The following VWA3A variants were observed in gnomAD, a reference collection of about 807,000 sequenced individuals.
VWA3A encodes von Willebrand factor A domain containing 3A, also known as von Willebrand factor A domain-containing protein 3A.
In VWA3A, 134 loss-of-function variants were observed where a neutral mutation model predicts 160.4. The observed-to-expected ratio is 0.84, with a 90% CI of 0.73 to 0.96. The LOEUF (loss-of-function observed/expected upper bound fraction) is 0.96, where lower values mean the gene tolerates loss of function less well. Among genes scored for constraint, VWA3A ranks in the 40% least tolerant of loss-of-function variants. The pLI, the probability that VWA3A is intolerant of heterozygous loss-of-function variation, is 0.00. For synonymous variants in VWA3A, 476 were observed against 543.4 expected, an observed-to-expected ratio of 0.88 and a Z score of 1.72; for missense variants, 1,310 against 1,447.9, an observed-to-expected ratio of 0.90 and a Z score of 1.55.
In VWA3A at chr16:22,119,024, G is replaced by A. The variant is rs908386642; in HGVS notation, c.1113G>A (p.Glu371=). Reference sequence around the variant, plus strand: ...GTGAGGCGCTCACCTGCACCATGGAGGAGGTAGGTGGTGCGAGTGTCAATT... The same window carrying A: ...GTGAGGCGCTCACCTGCACCATGGAAGAGGTAGGTGGTGCGAGTGTCAATT... The part of the protein sequence containing the change: ...SPCEALTCTM[E]EISTEITNGP... The change falls in exon 12 of 34, where the codon GAG becomes GAA. Residue 371 remains glutamate, a synonymous_variant. Transcript: ENST00000389398. 1.2e-6 allele frequency: 2 copies of A among 1,609,046 alleles called. No homozygotes were observed. Among genetic ancestry groups the A allele is most frequent in the Non-Finnish European group, 1.7e-6 (2 of 1,177,602 alleles).
chr16:22,126,532 T>G (rs944264594), intron 17 of VWA3A, among the ~76,000 whole-genome samples: 3 of 152,170 alleles, frequency 2.0e-5, no homozygotes, highest in Admixed American at 6.5e-5. Context: ...CATAACACAC[T>G]GCTTGATCAA....
At chr16:22,119,081 C>G in intron 12 of VWA3A, 54 bp downstream of exon 12, 1 of 1,539,440 alleles carries the variant, frequency 6.5e-7, no homozygotes, top group Non-Finnish European at 8.8e-7. Flanking sequence ...ACTCAGCTGG[C>G]CTCGTTCCCC....
At chr16:22,115,657 C>A (rs1436864562) in intron 9 of VWA3A, among the ~76,000 whole-genome samples, 185 bp downstream of exon 9, 2 of 148,746 alleles carry the variant, frequency 1.3e-5, no homozygotes, top group African/African-American at 2.5e-5. Flanking sequence ...CACAGTGAGA[C>A]CCTATCTCTT....
chr16:22,136,833 C>T, intron 21 of VWA3A, among the ~76,000 whole-genome samples: 1 of 151,530 alleles, frequency 6.6e-6, no homozygotes, highest in East Asian at 1.9e-4. Context: ...GAGATCGAGA[C>T]CATCCTGGCT....
At chr16:22,154,594 G>A (rs1375541291) in intron 31 of VWA3A, among the ~76,000 whole-genome samples, 5 of 151,788 alleles carry the variant, frequency 3.3e-5, no homozygotes, top group Non-Finnish European at 4.4e-5. Context: ...CACCCAAAGC[G>A]CTGGGATTGG....
chr16:22,154,727 G>A lies in VWA3A; in HGVS notation c.3406-840G>A, dbSNP rs955669811. Among the ~76,000 whole-genome samples, 9 of 150,970 alleles carry A rather than the reference G, an allele frequency of 6.0e-5. 1 individual carries two copies. Among genetic ancestry groups the A allele is most frequent in the Non-Finnish European group, 8.9e-5 (6 of 67,734 alleles). On this transcript the variant is annotated intron_variant, in intron 31 of 33. Coordinates refer to ENST00000389398, the MANE Select transcript of VWA3A (RefSeq NM_173615.5). ...CCCAGCACTTTGGGACGCCGAGGCG[G>A]GTGGATCATGAGGTCAGGAGATCGA...
intron 5 of VWA3A, among the ~76,000 whole-genome samples, chr16:22,102,058 A>G (rs1176718243): frequency 6.6e-6 from 1 of 152,214 alleles, no homozygotes; most frequent in Non-Finnish European, 1.5e-5. Flanking sequence ...ATATTTTATT[A>G]TAAAGCTCAT....
chr16:22,146,112 G>C, intron 26 of VWA3A, 124 bp from the exon 27 acceptor site: 1 of 764,168 alleles, frequency 1.3e-6, no homozygotes, highest in South Asian at 1.7e-5. Flanking sequence ...ATGAGCCACC[G>C]TGCCCAGCCA....
chr16:22,095,504 A>T (rs2045304488), intron 1 of VWA3A, among the ~76,000 whole-genome samples: 1 of 152,130 alleles, frequency 6.6e-6, no homozygotes, highest in South Asian at 2.1e-4. Context: ...GAAGGCTTTG[A>T]TCAGTTTTAA....
At chr16:22,132,750 A>T in intron 19 of VWA3A, 150 bp from the exon 20 acceptor site, 2 of 728,600 alleles carry the variant, frequency 2.7e-6, no homozygotes, top group Non-Finnish European at 4.4e-6. Flanking sequence ...AGAAACTGCA[A>T]CCCAGCCTCA....
intron 9 of VWA3A, among the ~76,000 whole-genome samples, 166 bp from the exon 10 acceptor site, chr16:22,116,593 A>G (rs896098970): frequency 6.6e-6 from 1 of 152,236 alleles, no homozygotes; most frequent in African/African-American, 2.4e-5. Flanking sequence ...GGCAGAGGGC[A>G]GACAGGCCTG....
chr16:22,111,010 A>AC lies in VWA3A; in HGVS notation c.689+18dup. 6.3e-7 allele frequency: 1 copy of AC among 1,581,284 alleles called. No homozygotes were observed. Among genetic ancestry groups the AC allele is most frequent in the Non-Finnish European group, 8.6e-7 (1 of 1,163,210 alleles). Reference sequence around the variant, plus strand: ...GCGCCTCCACGTGAGTGGCTTTCCTACCTGACGGTGATGTTCACTTGTTCA... The same window carrying AC: ...GCGCCTCCACGTGAGTGGCTTTCCTACCCTGACGGTGATGTTCACTTGTTCA... On this transcript the variant is annotated intron_variant, in intron 8 of 33. Coordinates refer to ENST00000389398, the MANE Select transcript of VWA3A (RefSeq NM_173615.5).
At chr16:22,110,805 G>A (rs2045542312) in intron 7 of VWA3A, 83 bp from the exon 8 acceptor site, 3 of 1,319,006 alleles carry the variant, frequency 2.3e-6, no homozygotes, top group Non-Finnish European at 2.1e-6. Context: ...CCAGCCCAGA[G>A]GGGCCAGCAA....
At position 22,156,013 on chromosome 16, in the gene VWA3A, T is replaced by C. The variant is rs2046435269; in HGVS notation, c.*15-19T>C. Reference sequence around the variant, plus strand: ...GTCAATAATAACTTTGGTTAAAAAATAATGATTCCTCTAAACAGAAAAGTC... The same window carrying C: ...GTCAATAATAACTTTGGTTAAAAAACAATGATTCCTCTAAACAGAAAAGTC... On this transcript the variant is annotated intron_variant, in intron 33 of 33. Transcript: ENST00000389398. 9 of 1,342,786 alleles carry C rather than the reference T, an allele frequency of 6.7e-6. No individual in the cohort carries two copies. The highest frequency in any genetic ancestry group is 2.3e-5 in the East Asian group (1 of 42,728). The allele number at this position is 1,342,786 out of a possible 1,614,324, so 83.2% of individuals were successfully genotyped here. A position where few individuals can be genotyped will look rare whatever the true frequency, so the allele number is the denominator to read the frequency against.
chr16:22,101,417 T>G (rs540704339), intron 5 of VWA3A, among the ~76,000 whole-genome samples: 1 of 152,288 alleles, frequency 6.6e-6, no homozygotes, highest in Non-Finnish European at 1.5e-5. Flanking sequence ...AAACCAGATT[T>G]TGATAGCACA....
At chr16:22,136,092 ATTAG>A (rs889041196) in intron 21 of VWA3A, among the ~76,000 whole-genome samples, 1 of 152,144 alleles carries the variant, frequency 6.6e-6, no homozygotes, top group Admixed American at 6.6e-5. Context: ...CACCTAGCCT[ATTAG>A]TTAGTTTAGA....
intron 11 of VWA3A, 150 bp from the exon 12 acceptor site, chr16:22,118,751 CT>C: frequency 1.0e-6 from 1 of 987,252 alleles, no homozygotes; most frequent in Non-Finnish European, 1.5e-6. Context: ...TCTGCAGGCT[CT>C]GTCTGGCACA....
chr16:22,124,090 C>A (rs1023453681), intron 16 of VWA3A, among the ~76,000 whole-genome samples: 1 of 143,438 alleles, frequency 7.0e-6, no homozygotes, highest in Non-Finnish European at 1.5e-5. Context: ...CAGGGGCAGG[C>A]GGGTCGCTTG....
intron 11 of VWA3A, among the ~76,000 whole-genome samples, chr16:22,117,776 A>G (rs1164468457): frequency 1.3e-5 from 2 of 152,182 alleles, no homozygotes; most frequent in African/African-American, 4.8e-5. Flanking sequence ...GCCTACCATT[A>G]ATAACCATGA....
Sources: gnomAD v4.1 joint callset for allele counts (sites outside exome capture counted in the v4.1 genomes callset) on GRCh38, gnomAD v4.1.1 for gene constraint, MANE v1.5 for transcripts, NCBI Gene and HGNC (gene_info 2026-07-23, HGNC 2026-07-21) for gene names.